Variants in GRM8 observed in about 807,000 individuals in gnomAD.
The protein encoded by GRM8 is glutamate metabotropic receptor 8, also known as metabotropic glutamate receptor 8.
GRM8 carries 47 observed loss-of-function variants against 87.2 expected under a neutral mutation model. The ratio of observed to expected loss-of-function variants is 0.54; its 90% confidence interval spans 0.43 to 0.69. The LOEUF is 0.69. GRM8 is among the 30% of genes least tolerant of loss of function. GRM8 has a pLI of 0.00. For synonymous variants in GRM8, 396 were observed against 404.5 expected (o/e 0.98, Z 0.25); for missense variants, 1,019 against 1,139.2 (o/e 0.89, Z 1.52).
At chr7:126,659,786 T>C (rs896958209) in intron 7 of GRM8, among the ~76,000 whole-genome samples, 1 of 152,248 alleles carries the variant, frequency 6.6e-6, no homozygotes, top group Non-Finnish European at 1.5e-5. Flanking sequence ...AATAAAAGTG[T>C]GGATTGATAT....
intron 3 of GRM8, among the ~76,000 whole-genome samples, chr7:127,031,117 G>T (rs1817320057): frequency 6.6e-6 from 1 of 152,098 alleles, no homozygotes; most frequent in African/African-American, 2.4e-5. Flanking sequence ...CAAGCCAACT[G>T]TGTGGTCAAC....
intron 2 of GRM8, among the ~76,000 whole-genome samples, chr7:127,225,333 C>T (rs918579065): frequency 2.6e-5 from 4 of 152,214 alleles, no homozygotes; most frequent in African/African-American, 9.6e-5. Flanking sequence ...CGCAGGCTGA[C>T]CTGCCAGCAC....
chr7:127,059,854 C>T (rs1820440982), intron 3 of GRM8, among the ~76,000 whole-genome samples: 1 of 152,178 alleles, frequency 6.6e-6, no homozygotes, highest in South Asian at 2.1e-4. Context: ...TTCTTGAAAG[C>T]ATCTGACTAG....
At chr7:126,621,939 T>A (rs1307023009) in intron 7 of GRM8, among the ~76,000 whole-genome samples, 27 of 152,140 alleles carry the variant, frequency 1.8e-4, no homozygotes, top group Admixed American at 1.8e-3. Flanking sequence ...TGATAGTGAC[T>A]CTTCTCTCCT....
At chr7:127,009,706 G>A (rs922006996) in intron 3 of GRM8, among the ~76,000 whole-genome samples, 1 of 152,096 alleles carries the variant, frequency 6.6e-6, no homozygotes. Flanking sequence ...TACTGATTTG[G>A]AATTGTGAAA....
chr7:127,212,410 ATTTTT>A (rs144077638), intron 2 of GRM8, among the ~76,000 whole-genome samples: 26 of 97,684 alleles, frequency 2.7e-4, no homozygotes, highest in Admixed American at 4.8e-4. Flanking sequence ...ACATGGTGTT[ATTTTT>A]TTTTTTTTTT....
intron 2 of GRM8, among the ~76,000 whole-genome samples, chr7:127,166,439 A>ACCCCC (rs1793457063): frequency 6.6e-6 from 1 of 152,016 alleles, no homozygotes; most frequent in Non-Finnish European, 1.5e-5. Flanking sequence ...AGATTAATAA[A>ACCCCC]CCTCGTTTCT....
At position 126,811,885 on chromosome 7, in the gene GRM8, T is replaced by C. The variant is rs368975214; in HGVS notation, c.1157-41820A>G. Among the ~76,000 whole-genome samples, 15 of 152,144 alleles carry C rather than the reference T, an allele frequency of 9.9e-5. No homozygotes were observed. In the East Asian group the frequency reaches 2.7e-3, roughly 27 times the overall value. ...TTGCCTAATTGCTGTGGCTAGGACC[T>C]CCAGTACTATATTGAATAGGAGTGG... is the stretch of plus-strand genomic sequence containing the variant. On this transcript the variant is annotated intron_variant, in intron 6 of 10. Transcript: ENST00000339582.
chr7:126,900,451 T>A (rs759092803), intron 6 of GRM8, among the ~76,000 whole-genome samples: 4 of 151,964 alleles, frequency 2.6e-5, no homozygotes, highest in Admixed American at 1.3e-4. Context: ...TAACACTACG[T>A]ACCAAAGCGT....
chr7:126,736,923 GAA>G (rs1192009019), intron 7 of GRM8, among the ~76,000 whole-genome samples: 1 of 152,022 alleles, frequency 6.6e-6, no homozygotes, highest in Non-Finnish European at 1.5e-5. Flanking sequence ...CTGAGACAGT[GAA>G]AGAGATCTGA....
intron 8 of GRM8, among the ~76,000 whole-genome samples, chr7:126,540,062 G>A (rs1300848567): frequency 6.6e-6 from 1 of 151,876 alleles, no homozygotes; most frequent in Non-Finnish European, 1.5e-5. Context: ...TCTAATAAGG[G>A]ATTTGTATCC....
intron 3 of GRM8, among the ~76,000 whole-genome samples, chr7:127,089,364 C>T (rs1010675376): frequency 6.6e-6 from 1 of 152,228 alleles, no homozygotes; most frequent in African/African-American, 2.4e-5. Context: ...TTTTGGACTT[C>T]TGGCTCCACA....
intron 7 of GRM8, among the ~76,000 whole-genome samples, chr7:126,614,257 A>C (rs1475717342): frequency 1.3e-5 from 2 of 152,088 alleles, no homozygotes. Context: ...GCTGATACCC[A>C]AGCAAACAGG....
chr7:126,714,247 C>A (rs1045974983), intron 7 of GRM8, among the ~76,000 whole-genome samples: 4 of 149,346 alleles, frequency 2.7e-5, no homozygotes, highest in African/African-American at 4.9e-5. Context: ...CACTCTACTC[C>A]CGTCTGGGTG....
At chr7:127,001,315 A>G (rs1221909227) in intron 3 of GRM8, among the ~76,000 whole-genome samples, 2 of 151,764 alleles carry the variant, frequency 1.3e-5, no homozygotes, top group East Asian at 3.9e-4. Flanking sequence ...TTTGCAAAAA[A>G]ACCCAAAAGT....
At chr7:126,643,308 A>T (rs1802633628) in intron 7 of GRM8, among the ~76,000 whole-genome samples, 3 of 30,458 alleles carry the variant, frequency 9.8e-5, no homozygotes, top group East Asian at 1.7e-3. Flanking sequence ...AAAAAAAAAA[A>T]AAAAAAAAAA....
intron 2 of GRM8, among the ~76,000 whole-genome samples, chr7:127,149,609 C>T (rs1428752320): frequency 1.3e-5 from 2 of 152,220 alleles, no homozygotes; most frequent in African/African-American, 4.8e-5. Context: ...GACATCTGCA[C>T]TCCCATGTTC....
intron 3 of GRM8, among the ~76,000 whole-genome samples, chr7:126,967,620 G>T (rs1810007900): frequency 6.6e-6 from 1 of 151,562 alleles, no homozygotes; most frequent in Non-Finnish European, 1.5e-5. Flanking sequence ...ACTTTCATTA[G>T]GAAATCGTCT....
At chr7:127,091,525 C>A (rs1228025218) in intron 3 of GRM8, among the ~76,000 whole-genome samples, 1 of 82,618 alleles carries the variant, frequency 1.2e-5, no homozygotes, top group Non-Finnish European at 2.5e-5. Flanking sequence ...ACTGGTCATC[C>A]CCCCCACCAC....
Sources: gnomAD v4.1 joint callset for allele counts (sites outside exome capture counted in the v4.1 genomes callset) on GRCh38, gnomAD v4.1.1 for gene constraint, MANE v1.5 for transcripts, NCBI Gene and HGNC (gene_info 2026-07-23, HGNC 2026-07-21) for gene names.